TBC1D30: variants seen among roughly 807,000 people sequenced by gnomAD.
TBC1D30 encodes the protein TBC1 domain family member 30.
Under a neutral mutation model 63.2 loss-of-function variants are expected in TBC1D30, and 31 were observed. The observed-to-expected ratio is 0.49, with a 90% CI of 0.37 to 0.66. The LOEUF (loss-of-function observed/expected upper bound fraction) is 0.66. Ranked by LOEUF, TBC1D30 falls within the 30% of genes least tolerant of loss-of-function variation. TBC1D30 has a pLI of 0.00. For synonymous variants in TBC1D30, 307 were observed against 361.5 expected, an observed-to-expected ratio of 0.85 and a Z score of 1.71; for missense variants, 810 against 953.6, an observed-to-expected ratio of 0.85 and a Z score of 1.98.
chr12:64,828,175 A>G lies in TBC1D30; in HGVS notation c.217-269A>G, dbSNP rs374408563. Reference sequence around the variant, plus strand: ...TGTCTTTTATTCTGAACCCCATAATATATATTTTGGCTTATTAACCAGAGC... The same window carrying G: ...TGTCTTTTATTCTGAACCCCATAATGTATATTTTGGCTTATTAACCAGAGC... On this transcript the variant is annotated intron_variant, in intron 2 of 11. Coordinates refer to ENST00000539867, the MANE Select transcript of TBC1D30 (RefSeq NM_015279.2). 2.0e-5 allele frequency among the ~76,000 whole-genome samples: 3 copies of G among 152,282 alleles called. No individual in the cohort carries two copies. In the East Asian group the frequency reaches 5.8e-4, roughly 29 times the overall value.
chr12:64,799,361 A>G (rs186163877), intron 2 of TBC1D30, among the ~76,000 whole-genome samples: 1 of 152,308 alleles, frequency 6.6e-6, no homozygotes, highest in Non-Finnish European at 1.5e-5. Flanking sequence ...GAATTAAGTG[A>G]GTTAAAGTAT....
intron 8 of TBC1D30, among the ~76,000 whole-genome samples, chr12:64,862,145 C>CT (rs1295987504): frequency 2.6e-5 from 4 of 152,136 alleles, no homozygotes; most frequent in Non-Finnish European, 5.9e-5. Context: ...TATTTTGGCT[C>CT]TAAGATGATT....
chr12:64,815,040 T>C (rs1275256605), intron 2 of TBC1D30, among the ~76,000 whole-genome samples: 1 of 152,240 alleles, frequency 6.6e-6, no homozygotes, highest in Admixed American at 6.5e-5. Context: ...AGGAGACATG[T>C]ACGTTCCTTT....
chr12:64,809,272 C>T (rs1873064618), intron 2 of TBC1D30, among the ~76,000 whole-genome samples: 2 of 150,512 alleles, frequency 1.3e-5, no homozygotes, highest in African/African-American at 2.4e-5. Context: ...CCCCCAAGTC[C>T]CCAAAGTCCA....
intron 6 of TBC1D30, among the ~76,000 whole-genome samples, chr12:64,838,215 T>C (rs1144423): frequency 0.56 from 85,035 of 152,018 alleles, 24,741 homozygotes; most frequent in East Asian, 0.9. Context: ...CTAGTTTAAC[T>C]CCACTGTGGT....
At chr12:64,802,198 G>A (rs1288803637) in intron 2 of TBC1D30, among the ~76,000 whole-genome samples, 1 of 152,080 alleles carries the variant, frequency 6.6e-6, no homozygotes. Context: ...TTGCAGAAAA[G>A]GATATGCCAG....
At chr12:64,862,064 C>G (rs939741996) in intron 8 of TBC1D30, among the ~76,000 whole-genome samples, 2 of 152,100 alleles carry the variant, frequency 1.3e-5, no homozygotes, top group African/African-American at 2.4e-5. Flanking sequence ...AGAAGGGACT[C>G]CTACTTGGGA....
At chr12:64,843,242 G>A (rs1030063192) in intron 7 of TBC1D30, 138 bp from the exon 8 acceptor site, 16 of 686,440 alleles carry the variant, frequency 2.3e-5, no homozygotes, top group Middle Eastern at 2.5e-4. Flanking sequence ...CAATCCTCCC[G>A]CCCCAGCCTC....
intron 8 of TBC1D30, among the ~76,000 whole-genome samples, chr12:64,860,980 G>C (rs1047840857): frequency 2.0e-5 from 3 of 152,238 alleles, no homozygotes; most frequent in African/African-American, 7.2e-5. Context: ...AACGTTGCCA[G>C]AAGGAATGAG....
chr12:64,768,126 C>A (rs1870785701), intron 1 of TBC1D30, among the ~76,000 whole-genome samples: 1 of 151,794 alleles, frequency 6.6e-6, no homozygotes, highest in Non-Finnish European at 1.5e-5. Context: ...AATGTGGGTT[C>A]CTTTGTTCAA....
intron 8 of TBC1D30, among the ~76,000 whole-genome samples, chr12:64,846,137 C>G (rs1876358650): frequency 6.6e-6 from 1 of 151,212 alleles, no homozygotes; most frequent in African/African-American, 2.4e-5. Flanking sequence ...AATATTTTCT[C>G]CCACTCTTTG....
rs74571847 is a variant in TBC1D30 at position 64,865,106 on chromosome 12, A to G, written c.1151+326A>G. On this transcript the variant is annotated intron_variant, in intron 9 of 11. Transcript: ENST00000539867. ...AGATGAGCTAATTTAAAAACTGTGAAGACCAAAAATTGACAATTGATAAAG... is the reference window on the plus strand; with the variant it reads ...AGATGAGCTAATTTAAAAACTGTGAGGACCAAAAATTGACAATTGATAAAG... Among the ~76,000 whole-genome samples the G allele has an allele frequency of 6.1e-3, 930 of 151,936 alleles. 7 individuals are homozygous for G. Among genetic ancestry groups the G allele is most frequent in the African/African-American group, 0.021 (888 of 41,394 alleles).
At chr12:64,774,608 A>G (rs772902876) in intron 1 of TBC1D30, among the ~76,000 whole-genome samples, 25 of 152,346 alleles carry the variant, frequency 1.6e-4, no homozygotes, top group Non-Finnish European at 3.2e-4. Context: ...AGGAAAACCT[A>G]TAAGCCAGAA....
intron 2 of TBC1D30, among the ~76,000 whole-genome samples, chr12:64,799,320 A>T (rs1872470148): frequency 6.6e-6 from 1 of 152,162 alleles, no homozygotes; most frequent in Non-Finnish European, 1.5e-5. Context: ...AATGGGAATG[A>T]TGGTACTTTC....
chr12:64,832,085 T>A, intron 4 of TBC1D30, 34 bp from the exon 5 acceptor site: 1 of 1,483,308 alleles, frequency 6.7e-7, no homozygotes, highest in Non-Finnish European at 9.0e-7. Context: ...ATATTAGGAG[T>A]TATTTTTGAA....
At chr12:64,765,225 G>T (rs184453733) in intron 1 of TBC1D30, among the ~76,000 whole-genome samples, 4 of 152,038 alleles carry the variant, frequency 2.6e-5, no homozygotes, top group Admixed American at 1.3e-4. Context: ...GGGCATCGTG[G>T]CTCACGCCTG....
At chr12:64,802,848 AG>A (rs1379954628) in intron 2 of TBC1D30, among the ~76,000 whole-genome samples, 1 of 152,210 alleles carries the variant, frequency 6.6e-6, no homozygotes, top group Admixed American at 6.5e-5. Context: ...ATGGCTGCAT[AG>A]TATTCCATGG....
At chr12:64,814,120 C>T (rs1873382996) in intron 2 of TBC1D30, among the ~76,000 whole-genome samples, 1 of 152,040 alleles carries the variant, frequency 6.6e-6, no homozygotes, top group Non-Finnish European at 1.5e-5. Flanking sequence ...GATTTTGGTC[C>T]ACTGCAAACT....
chr12:64,854,785 G>A (rs965196882), intron 8 of TBC1D30, among the ~76,000 whole-genome samples: 4 of 152,136 alleles, frequency 2.6e-5, no homozygotes, highest in South Asian at 2.1e-4. Flanking sequence ...GTGAGCCACC[G>A]CGCCTGGCCA....
Sources: allele counts gnomAD v4.1 joint callset (sites outside exome capture counted in the v4.1 genomes callset), GRCh38; gene constraint gnomAD v4.1.1; transcripts MANE v1.5; gene names NCBI Gene and HGNC (gene_info 2026-07-23, HGNC 2026-07-21).